Variants in TSPAN9 observed in about 807,000 individuals in gnomAD.
TSPAN9 encodes the protein tetraspanin-9.
TSPAN9 carries 16 observed loss-of-function variants against 31.0 expected under a neutral mutation model. That is an observed-to-expected ratio of 0.52 (90% confidence interval 0.35 to 0.78). The LOEUF (loss-of-function observed/expected upper bound fraction) is 0.78. Ranked by LOEUF, TSPAN9 falls within the 30% of genes least tolerant of loss-of-function variation. The probability of loss-of-function intolerance (pLI) is 0.01; values close to 1 mark genes in which losing one functional copy is unlikely to be tolerated. For synonymous variants in TSPAN9, 145 were observed against 121.6 expected, an observed-to-expected ratio of 1.19 and a Z score of -1.27; for missense variants, 272 against 312.5, an observed-to-expected ratio of 0.87 and a Z score of 0.98.
chr12:3,234,151 C>T (rs535033028), intron 3 of TSPAN9, among the ~76,000 whole-genome samples: 101 of 152,282 alleles, frequency 6.6e-4, no homozygotes, highest in Non-Finnish European at 7.5e-4. Context: ...TAGCCAAGAT[C>T]AGGGAAGGAA....
At chr12:3,227,024 C>T (rs949839808) in intron 3 of TSPAN9, among the ~76,000 whole-genome samples, 4 of 150,980 alleles carry the variant, frequency 2.6e-5, no homozygotes, top group African/African-American at 7.3e-5. Context: ...GAGAGGGAGA[C>T]CTGACACTTA....
chr12:3,247,298 A>G (rs561910), intron 3 of TSPAN9, among the ~76,000 whole-genome samples: 58,792 of 67,384 alleles, frequency 0.87, 26,112 homozygotes, highest in Non-Finnish European at 0.97. Flanking sequence ...ATTACTGGCC[A>G]GCCCCCCCCC....
At chr12:3,185,674 C>T (rs553487610) in intron 2 of TSPAN9, among the ~76,000 whole-genome samples, 1 of 152,338 alleles carries the variant, frequency 6.6e-6, no homozygotes, top group South Asian at 2.1e-4. Context: ...AAAATAGCAG[C>T]GTGAGCTGGC....
In TSPAN9 at chr12:3,283,145, C is replaced by G; in HGVS notation, c.*29C>G. 1 of 1,602,324 alleles carries G rather than the reference C, an allele frequency of 6.2e-7. No homozygotes were observed. The highest frequency in any genetic ancestry group is 1.7e-5 in the Admixed American group (1 of 59,980). ...GGCTGGCCGGGAGTGCCCACCCCGC[C>G]CTGCTGCCCTGTGGAGGGAAGAGGA... On this transcript the variant is annotated 3_prime_UTR_variant, in exon 9 of 9. Transcript: ENST00000011898.
At chr12:3,152,747 C>T (rs1009129650) in intron 2 of TSPAN9, among the ~76,000 whole-genome samples, 12 of 152,228 alleles carry the variant, frequency 7.9e-5, no homozygotes, top group Middle Eastern at 3.4e-3. Context: ...CCACTATGCC[C>T]GGCTAATTTT....
intron 3 of TSPAN9, among the ~76,000 whole-genome samples, chr12:3,251,662 G>C (rs1019240856): frequency 2.0e-5 from 3 of 152,208 alleles, no homozygotes; most frequent in Non-Finnish European, 2.9e-5. Context: ...GACATCTTTA[G>C]TTTTAAGGGA....
rs1565610612 is a variant in TSPAN9, at chr12:3,198,755, C to CACAGG, written c.-17-2422_-17-2421insACAGG. Among the ~76,000 whole-genome samples the CACAGG allele has an allele frequency of 1.5e-3, 54 of 36,062 alleles. 1 individual carries two copies. The highest frequency in any genetic ancestry group is 0.02 in the Middle Eastern group (1 of 50). 23.7% of individuals were successfully genotyped at this position (36,062 alleles called of 152,430 possible). A position where few individuals can be genotyped will look rare whatever the true frequency, so the allele number is the denominator to read the frequency against. On this transcript the variant is annotated intron_variant, in intron 2 of 8. Coordinates refer to ENST00000011898, the MANE Select transcript of TSPAN9 (RefSeq NM_006675.5). ...CCAGCACAGGCCACCACCAGCACAG[C>CACAGG]TCACCACCAGCACAGGCCACCACCA...
chr12:3,158,055 G>A (rs559865777), intron 2 of TSPAN9, among the ~76,000 whole-genome samples: 1 of 152,140 alleles, frequency 6.6e-6, no homozygotes, highest in Non-Finnish European at 1.5e-5. Flanking sequence ...ATCACAACAC[G>A]GGCTCCAGGA....
At position 3,278,544 on chromosome 12, in the gene TSPAN9, A is replaced by T. The variant is rs1862836422; in HGVS notation, c.187A>T (p.Ile63Phe). Reference sequence around the variant, plus strand: ...CAACCTGGTCATTGCCATAGGCACCATTGTCATGGTGACGGGCTTCCTCGG... The same window carrying T: ...CAACCTGGTCATTGCCATAGGCACCTTTGTCATGGTGACGGGCTTCCTCGG... ...AANLVIAIGT[I>F]VMVTGFLGCL... Residue 63 changes from isoleucine to phenylalanine, a missense_variant, in exon 4 of 9, where the codon ATT becomes TTT. Transcript: ENST00000011898. 1.2e-6 allele frequency: 2 copies of T among 1,614,178 alleles called. No individual in the cohort carries two copies. The highest frequency in any genetic ancestry group is 2.7e-5 in the African/African-American group (2 of 75,058).
intron 2 of TSPAN9, among the ~76,000 whole-genome samples, chr12:3,198,888 T>C (rs61917910): frequency 0.67 from 75,844 of 113,608 alleles, 25,055 homozygotes; most frequent in East Asian, 0.83. Context: ...CAGGTCACCA[T>C]CAGCACAGGT....
At chr12:3,249,015 C>A (rs1448222579) in intron 3 of TSPAN9, among the ~76,000 whole-genome samples, 1 of 152,246 alleles carries the variant, frequency 6.6e-6, no homozygotes, top group Non-Finnish European at 1.5e-5. Context: ...TGCCCCTAGG[C>A]CAGGCCTCAC....
rs541193314 is a variant in TSPAN9, at chr12:3,243,780, G to A, written c.64-34641G>A. On this transcript the variant is annotated intron_variant, in intron 3 of 8. Transcript: ENST00000011898. Reference sequence around the variant, plus strand: ...TTGATTTTCTGTCTCCTCTGATATGGGGTGTCAGGCAGGTGGAGAGCCCAG... The same window carrying A: ...TTGATTTTCTGTCTCCTCTGATATGAGGTGTCAGGCAGGTGGAGAGCCCAG... Among the ~76,000 whole-genome samples, 10 of 152,296 alleles carry A rather than the reference G, an allele frequency of 6.6e-5. No homozygotes were observed. In the South Asian group the frequency reaches 8.3e-4, roughly 13 times the overall value.
At chr12:3,236,758 A>G (rs1332718411) in intron 3 of TSPAN9, among the ~76,000 whole-genome samples, 2 of 152,164 alleles carry the variant, frequency 1.3e-5, no homozygotes, top group East Asian at 3.8e-4. Flanking sequence ...TAGCAGGCTC[A>G]TGACTCTTCT....
Position 3,276,150 on chromosome 12 carries a change from G to GC in TSPAN9, c.64-2271_64-2270insC, listed in dbSNP as rs373022776. On this transcript the variant is annotated intron_variant, in intron 3 of 8. Coordinates refer to ENST00000011898, the MANE Select transcript of TSPAN9 (RefSeq NM_006675.5). ...GGGAGGGGACAGACGCCTCCCTGAG[G>GC]AAGGGCATCTCCTTCTTATTCCTCC... is the stretch of plus-strand genomic sequence containing the variant. Among the ~76,000 whole-genome samples, 261 of 151,622 alleles carry GC rather than the reference G, an allele frequency of 1.7e-3. 2 individuals are homozygous for GC. The highest frequency in any genetic ancestry group is 6.0e-3 in the African/African-American group (246 of 41,250).
chr12:3,155,127 G>A (rs760784342), intron 2 of TSPAN9, among the ~76,000 whole-genome samples: 11 of 152,174 alleles, frequency 7.2e-5, no homozygotes, highest in Non-Finnish European at 1.2e-4. Flanking sequence ...AAAACGTGAT[G>A]CGGACCAAAT....
intron 2 of TSPAN9, among the ~76,000 whole-genome samples, chr12:3,142,751 CT>C (rs1350779699): frequency 6.6e-6 from 1 of 152,174 alleles, no homozygotes; most frequent in Non-Finnish European, 1.5e-5. Flanking sequence ...CTTGCTTTTG[CT>C]TTTTTGGGTT....
intron 3 of TSPAN9, among the ~76,000 whole-genome samples, chr12:3,210,846 A>C (rs1015560695): frequency 6.6e-6 from 1 of 151,734 alleles, no homozygotes; most frequent in East Asian, 1.9e-4. Flanking sequence ...TCTAGGCTCA[A>C]GTGATCCTTC....
intron 3 of TSPAN9, among the ~76,000 whole-genome samples, chr12:3,253,520 C>G (rs1165654682): frequency 6.6e-6 from 1 of 152,236 alleles, no homozygotes; most frequent in Non-Finnish European, 1.5e-5. Flanking sequence ...GGAAGGGTGT[C>G]TGCCGCAGGA....
At chr12:3,208,664 A>G (rs980759193) in intron 3 of TSPAN9, among the ~76,000 whole-genome samples, 2 of 152,238 alleles carry the variant, frequency 1.3e-5, no homozygotes, top group African/African-American at 2.4e-5. Flanking sequence ...GTCACCCAAA[A>G]TAAGTGACAG....
Sources: allele counts gnomAD v4.1 joint callset (sites outside exome capture counted in the v4.1 genomes callset), GRCh38; gene constraint gnomAD v4.1.1; transcripts MANE v1.5; gene names NCBI Gene and HGNC (gene_info 2026-07-23, HGNC 2026-07-21).